The following MARCHF2 variants were observed in gnomAD, a reference collection of about 807,000 sequenced individuals.
The protein encoded by MARCHF2 is E3 ubiquitin-protein ligase MARCHF2.
MARCHF2 carries 22 observed loss-of-function variants against 24.0 expected under a neutral mutation model. The observed-to-expected ratio is 0.92, with a 90% CI of 0.66 to 1.31. The LOEUF is 1.31. MARCHF2 is among the 50% of genes most tolerant of loss of function. The probability of loss-of-function intolerance (pLI) is 0.00; values close to 1 mark genes in which losing one functional copy is unlikely to be tolerated. For synonymous variants in MARCHF2, 154 were observed against 153.0 expected, an observed-to-expected ratio of 1.01 and a Z score of -0.05; for missense variants, 301 against 335.3, an observed-to-expected ratio of 0.90 and a Z score of 0.80.
rs10423174 is a variant in MARCHF2, at chr19:8,435,304, C to A, written c.583-3084C>A. Among the ~76,000 whole-genome samples, 661 of 152,076 alleles carry A rather than the reference C, an allele frequency of 4.3e-3. 4 individuals are homozygous for A. The highest frequency in any genetic ancestry group is 0.015 in the African/African-American group (639 of 41,512). The stretch of plus-strand genomic sequence containing the variant: ...AAGTGCTGGGATTACAGGTGTGAGC[C>A]ACCACACTAGGCCATTTTTAAATTT... On this transcript the variant is annotated intron_variant, in intron 4 of 4. Coordinates refer to ENST00000215555, the MANE Select transcript of MARCHF2 (RefSeq NM_001005415.2).
At chr19:8,420,632 A>G (rs919327091) in intron 1 of MARCHF2, among the ~76,000 whole-genome samples, 2 of 151,648 alleles carry the variant, frequency 1.3e-5, no homozygotes, top group African/African-American at 2.4e-5. Context: ...TTTGAGGGTA[A>G]GAGGAGGCCT....
intron 4 of MARCHF2, among the ~76,000 whole-genome samples, chr19:8,436,335 A>G (rs927564079): frequency 2.6e-5 from 4 of 151,858 alleles, no homozygotes; most frequent in African/African-American, 9.7e-5. Flanking sequence ...GGGTTTCACC[A>G]TGTTGGCCAG....
intron 2 of MARCHF2, among the ~76,000 whole-genome samples, chr19:8,424,563 A>AG (rs1967345164): frequency 6.6e-6 from 1 of 151,928 alleles, no homozygotes; most frequent in African/African-American, 2.4e-5. Flanking sequence ...GCTACTCTGG[A>AG]GGCTGAGGCA....
chr19:8,416,365 A>G lies in MARCHF2; in HGVS notation c.-53+2945A>G, dbSNP rs537444302. Among the ~76,000 whole-genome samples the G allele has an allele frequency of 2.6e-3, 393 of 148,562 alleles. 1 individual carries two copies. Among genetic ancestry groups the G allele is most frequent in the Middle Eastern group, 7.2e-3 (2 of 278 alleles). On this transcript the variant is annotated intron_variant, in intron 1 of 4. Coordinates refer to ENST00000215555, the MANE Select transcript of MARCHF2 (RefSeq NM_001005415.2). Reference sequence around the variant, plus strand: ...CAAAAAAAAAAAAAAAAAAAAAATGACTGCAGCAGCAACCAGAAATGCAGC... The same window carrying G: ...CAAAAAAAAAAAAAAAAAAAAAATGGCTGCAGCAGCAACCAGAAATGCAGC...
intron 1 of MARCHF2, among the ~76,000 whole-genome samples, chr19:8,419,693 G>A (rs1420622758): frequency 3.4e-5 from 5 of 149,060 alleles, no homozygotes; most frequent in African/African-American, 5.0e-5. Flanking sequence ...GCGGGCGCCT[G>A]TAGACCCAGC....
At chr19:8,426,531 C>G in intron 2 of MARCHF2, 78 bp from the exon 3 acceptor site, 1 of 1,211,818 alleles carries the variant, frequency 8.3e-7, no homozygotes, top group Non-Finnish European at 1.2e-6. Context: ...TAAGGGTGAG[C>G]TTGTGATCCA....
intron 2 of MARCHF2, among the ~76,000 whole-genome samples, chr19:8,425,393 C>T (rs558434820): frequency 6.8e-6 from 1 of 148,060 alleles, no homozygotes; most frequent in Non-Finnish European, 1.5e-5. Context: ...AGCGAGACTC[C>T]ATCTCAAAAA....
intron 2 of MARCHF2, among the ~76,000 whole-genome samples, chr19:8,422,505 G>A (rs904969279): frequency 2.2e-4 from 33 of 151,728 alleles, no homozygotes; most frequent in African/African-American, 6.8e-4. Flanking sequence ...TGATTTTCCT[G>A]CCTTAGCCAC....
At chr19:8,428,204 G>A (rs1967464118) in intron 3 of MARCHF2, among the ~76,000 whole-genome samples, 1 of 151,976 alleles carries the variant, frequency 6.6e-6, no homozygotes, top group South Asian at 2.1e-4. Flanking sequence ...AGCTTGCAGT[G>A]AGCTGAGATC....
rs60782968 is a variant in MARCHF2 at position 8,431,497 on chromosome 19, CAAAAA to C, written c.582+648_582+652del. Among the ~76,000 whole-genome samples the C allele has an allele frequency of 1.8e-3, 106 of 57,502 alleles. No individual in the cohort carries two copies. The South Asian group carries it at 0.028, about 15-fold the overall frequency. 37.7% of individuals were successfully genotyped at this position (57,502 alleles called of 152,430 possible). The stretch of plus-strand genomic sequence containing the variant: ...GTGTAAAAAGAGCGAAACTCGATCT[CAAAAA>C]AAAAAAAAAAAAAAAAAGGAAAAAA... On this transcript the variant is annotated intron_variant, in intron 4 of 4. Transcript: ENST00000215555.
chr19:8,420,806 A>C (rs986427678), intron 1 of MARCHF2, among the ~76,000 whole-genome samples: 3 of 151,970 alleles, frequency 2.0e-5, no homozygotes, highest in Non-Finnish European at 4.4e-5. Flanking sequence ...TTGTGCTACC[A>C]TGCCTGGCTA....
At chr19:8,434,495 A>C (rs1470209620) in intron 4 of MARCHF2, among the ~76,000 whole-genome samples, 1 of 151,770 alleles carries the variant, frequency 6.6e-6, no homozygotes, top group Non-Finnish European at 1.5e-5. Flanking sequence ...CCACACACAC[A>C]ACGAGGCAGC....
chr19:8,438,305 G>T (rs1599720855), intron 4 of MARCHF2, 83 bp from the exon 5 acceptor site: 2 of 1,412,532 alleles, frequency 1.4e-6, no homozygotes, highest in East Asian at 4.6e-5. Flanking sequence ...GCCATGGTTT[G>T]GGCCAACGCA....
chr19:8,423,985 C>CAAA (rs142383974), intron 2 of MARCHF2, among the ~76,000 whole-genome samples: 3 of 104,898 alleles, frequency 2.9e-5, no homozygotes, highest in Admixed American at 9.7e-5. Context: ...CTGGGTGACT[C>CAAA]AAAAAAAAAA....
intron 2 of MARCHF2, among the ~76,000 whole-genome samples, chr19:8,424,017 A>T (rs1599706496): frequency 6.6e-6 from 1 of 151,638 alleles, no homozygotes; most frequent in African/African-American, 2.4e-5. Context: ...AGAAAAAAAA[A>T]TACAGTCTCT....
intron 3 of MARCHF2, among the ~76,000 whole-genome samples, chr19:8,427,519 GAAA>G (rs71175855): frequency 1.5e-5 from 2 of 132,060 alleles, no homozygotes; most frequent in African/African-American, 5.6e-5. Flanking sequence ...TGAGGTTACA[GAAA>G]AAAAAAAAAA....
In MARCHF2 at chr19:8,437,347, C is replaced by CTTTTTTT. The variant is rs1156296451; in HGVS notation, c.583-1040_583-1039insTTTTTTT. ...CACCACTGTTTATTTATTCATTCAC[C>CTTTTTTT]TATTTTTTTTTTTTTTTTTTTTGAG... is the stretch of plus-strand genomic sequence containing the variant. On this transcript the variant is annotated intron_variant, in intron 4 of 4. Coordinates refer to ENST00000215555, the MANE Select transcript of MARCHF2 (RefSeq NM_001005415.2). Among the ~76,000 whole-genome samples the CTTTTTTT allele has an allele frequency of 2.6e-5, 3 of 113,948 alleles. 1 individual carries two copies. Among genetic ancestry groups the CTTTTTTT allele is most frequent in the Non-Finnish European group, 1.8e-5 (1 of 56,610 alleles). 74.8% of individuals were successfully genotyped at this position (113,948 alleles called of 152,430 possible).
chr19:8,428,965 G>A (rs1379224590), intron 3 of MARCHF2, among the ~76,000 whole-genome samples: 1 of 144,168 alleles, frequency 6.9e-6, no homozygotes, highest in Non-Finnish European at 1.5e-5. Flanking sequence ...CCCTAGAAAA[G>A]CCCCTGGCCC....
chr19:8,438,259 C>T, intron 4 of MARCHF2, 129 bp from the exon 5 acceptor site: 5 of 933,710 alleles, frequency 5.4e-6, no homozygotes, highest in Non-Finnish European at 8.4e-6. Context: ...GAGGAATGTT[C>T]ATAAGCCAGC....
Sources: allele counts gnomAD v4.1 joint callset (sites outside exome capture counted in the v4.1 genomes callset), GRCh38; gene constraint gnomAD v4.1.1; transcripts MANE v1.5; gene names NCBI Gene and HGNC (gene_info 2026-07-23, HGNC 2026-07-21).